The following PCDHGA1 variants were observed in gnomAD, a reference collection of about 807,000 sequenced individuals.
PCDHGA1 encodes the protein protocadherin gamma-A1.
A neutral mutation model predicts 58.0 loss-of-function variants in PCDHGA1; 32 were observed. The observed-to-expected ratio is 0.55, with a 90% confidence interval of 0.42 to 0.74. PCDHGA1 has a LOEUF of 0.74. PCDHGA1 is among the 30% of genes least tolerant of loss of function. The pLI is 0.00. For synonymous variants in PCDHGA1, 498 were observed against 501.1 expected (o/e 0.99, Z 0.08); for missense variants, 1,205 against 1,182.3 (o/e 1.02, Z -0.28).
intron 1 of PCDHGA1, chr5:141,395,489 A>T: frequency 4.2e-6 from 2 of 480,562 alleles, no homozygotes; most frequent in Non-Finnish European, 3.6e-6. Flanking sequence ...TCCTATTATC[A>T]CTCATTCACT....
intron 1 of PCDHGA1, chr5:141,383,593 G>C (rs893791654): frequency 5.6e-6 from 9 of 1,613,726 alleles, no homozygotes; most frequent in Admixed American, 1.7e-5. Flanking sequence ...CCAGGTGACA[G>C]TGGTGGATGT....
chr5:141,413,517 G>A (rs1561743187), intron 1 of PCDHGA1: 1 of 1,613,946 alleles, frequency 6.2e-7, no homozygotes. Flanking sequence ...ATATCCTTGT[G>A]GAAGACAGGG....
chr5:141,382,904 C>T (rs1286843210), intron 1 of PCDHGA1: 3 of 1,543,132 alleles, frequency 1.9e-6, no homozygotes, highest in Non-Finnish European at 1.7e-6. Flanking sequence ...ACGACTATGG[C>T]GGCTCAGCCG....
chr5:141,422,973 T>G (rs1157516415), intron 1 of PCDHGA1: 1 of 1,614,102 alleles, frequency 6.2e-7, no homozygotes, highest in Non-Finnish European at 8.5e-7. Flanking sequence ...CGCCCCGCTC[T>G]GCGGAACCTG....
intron 1 of PCDHGA1, among the ~76,000 whole-genome samples, chr5:141,435,314 G>C (rs1490871069): frequency 6.6e-6 from 1 of 152,006 alleles, no homozygotes; most frequent in African/African-American, 2.4e-5. Flanking sequence ...AATCATTCAT[G>C]AACTTCCAAA....
In PCDHGA1 at chr5:141,355,384, C is replaced by A. The variant is rs570057542; in HGVS notation, c.2421+22279C>A. The stretch of plus-strand genomic sequence containing the variant: ...GTTGGCGCCCCGGGAGCTGGCGGAG[C>A]GCGGAGTCCGCATCGTCTCCAGAGG... On this transcript the variant is annotated intron_variant, in intron 1 of 3. Transcript: ENST00000517417. 122 of 1,614,008 alleles carry A rather than the reference C, an allele frequency of 7.6e-5. 1 individual carries two copies. In the East Asian group the frequency reaches 2.7e-3, roughly 35 times the overall value.
At chr5:141,454,316 A>G (rs887472165) in intron 1 of PCDHGA1, among the ~76,000 whole-genome samples, 4 of 152,188 alleles carry the variant, frequency 2.6e-5, no homozygotes, top group Non-Finnish European at 4.4e-5. Context: ...AAGCATTGAA[A>G]CCTCCAAGAA....
intron 1 of PCDHGA1, chr5:141,345,156 G>C: frequency 1.2e-6 from 2 of 1,614,028 alleles, no homozygotes; most frequent in Non-Finnish European, 1.7e-6. Flanking sequence ...GCATGACCGA[G>C]ATTCTGGGCA....
At chr5:141,498,352 C>T (rs1439698389) in intron 2 of PCDHGA1, among the ~76,000 whole-genome samples, 1 of 151,772 alleles carries the variant, frequency 6.6e-6, no homozygotes, top group Non-Finnish European at 1.5e-5. Flanking sequence ...AAAGCCTATG[C>T]AAAAGCCTTG....
At chr5:141,394,436 C>T in intron 1 of PCDHGA1, 1 of 1,614,234 alleles carries the variant, frequency 6.2e-7, no homozygotes, top group South Asian at 1.1e-5. Context: ...GGGACCCGCC[C>T]CTCAGCAGCA....
chr5:141,399,199 C>T (rs2093768918), intron 1 of PCDHGA1: 8 of 1,613,876 alleles, frequency 5.0e-6, no homozygotes, highest in Non-Finnish European at 6.8e-6. Flanking sequence ...AAACGCGGTG[C>T]CTGGAACACT....
Position 141,432,617 on chromosome 5 carries a change from G to A in PCDHGA1, c.2422-62190G>A. The A allele has an allele frequency of 6.2e-7, 1 of 1,613,694 alleles. No individual in the cohort carries two copies. Among genetic ancestry groups the A allele is most frequent in the South Asian group, 1.1e-5 (1 of 91,044 alleles). On this transcript the variant is annotated intron_variant, in intron 1 of 3. Coordinates refer to ENST00000517417, the MANE Select transcript of PCDHGA1 (RefSeq NM_018912.3). This position sits in a 1 kb window ranked among gnomAD's most constrained non-coding sequence, Gnocchi z 6.0. ...CAGCGAGCCGGGACTCTTCTCGGTGGGTCTGCACACGGGCGAGGTGCGCAC... is the reference window on the plus strand; with the variant it reads ...CAGCGAGCCGGGACTCTTCTCGGTGAGTCTGCACACGGGCGAGGTGCGCAC...
chr5:141,482,747 G>T lies in PCDHGA1; in HGVS notation c.2422-12060G>T, dbSNP rs182945398. On this transcript the variant is annotated intron_variant, in intron 1 of 3. Transcript: ENST00000517417. ...CATTGCAAGAAATTCCATGCAGAGG[G>T]ATTATGGTATTTCATTATCACTGAA... Among the ~76,000 whole-genome samples, 567 of 128,410 alleles carry T rather than the reference G, an allele frequency of 4.4e-3. 2 individuals carry two copies. The highest frequency in any genetic ancestry group is 0.019 in the African/African-American group (533 of 28,666). The allele number at this position is 128,410 out of a possible 152,430, so 84.2% of individuals were successfully genotyped here. A position where few individuals can be genotyped will look rare whatever the true frequency, so the allele number is the denominator to read the frequency against.
At chr5:141,427,890 G>A in intron 1 of PCDHGA1, 1 of 1,566,844 alleles carries the variant, frequency 6.4e-7, no homozygotes, top group Non-Finnish European at 8.7e-7. Flanking sequence ...CCACGACCAG[G>A]GCTCGCCCGC....
chr5:141,386,359 C>T (rs566341507), intron 1 of PCDHGA1, among the ~76,000 whole-genome samples: 1 of 152,132 alleles, frequency 6.6e-6, no homozygotes, highest in Non-Finnish European at 1.5e-5. Flanking sequence ...AATCTTGATT[C>T]CAGAGACCTT....
At chr5:141,442,445 T>A (rs2098325574) in intron 1 of PCDHGA1, 1 of 152,198 alleles carries the variant, frequency 6.6e-6, no homozygotes, top group South Asian at 2.1e-4. Flanking sequence ...CCCTCAGGAC[T>A]CAATAGCAGT....
intron 2 of PCDHGA1, among the ~76,000 whole-genome samples, chr5:141,504,039 AC>A (rs1396515708): frequency 6.6e-6 from 1 of 152,184 alleles, no homozygotes; most frequent in African/African-American, 2.4e-5. Context: ...CATTTAGGCA[AC>A]AAATATTTAT....
Position 141,345,067 on chromosome 5 carries a change from C to T in PCDHGA1, c.2421+11962C>T, listed in dbSNP as rs199942946. 33 of 1,613,950 alleles carry T rather than the reference C, an allele frequency of 2.0e-5. 1 individual carries two copies. In the Admixed American group the frequency reaches 4.7e-4, roughly 23 times the overall value. Reference sequence around the variant, plus strand: ...GTTCTGGATGTGAATGACAATGCTCCAGAAATTACAATCACGTCTCTCACA... The same window carrying T: ...GTTCTGGATGTGAATGACAATGCTCTAGAAATTACAATCACGTCTCTCACA... On this transcript the variant is annotated intron_variant, in intron 1 of 3. Transcript: ENST00000517417.
At position 141,372,292 on chromosome 5, in the gene PCDHGA1, G is replaced by A. The variant is rs1768614066; in HGVS notation, c.2421+39187G>A. The A allele has an allele frequency of 4.3e-6, 7 of 1,613,164 alleles. No homozygotes were observed. The African/African-American group carries it at 5.3e-5, about 12-fold the overall frequency. ...GAGGTGCGCACGGCGCGTACCTTGGGCGACAGGGAGGCCGCCCGCCAGCGC... is the reference window on the plus strand; with the variant it reads ...GAGGTGCGCACGGCGCGTACCTTGGACGACAGGGAGGCCGCCCGCCAGCGC... On this transcript the variant is annotated intron_variant, in intron 1 of 3. Transcript: ENST00000517417.
Sources: allele counts gnomAD v4.1 joint callset (sites outside exome capture counted in the v4.1 genomes callset), GRCh38; gene constraint gnomAD v4.1.1; non-coding constraint Gnocchi (gnomAD v3.1); transcripts MANE v1.5; gene names NCBI Gene and HGNC (gene_info 2026-07-23, HGNC 2026-07-21).